The following ARHGAP42 variants were observed in gnomAD, a reference collection of about 807,000 sequenced individuals.
The protein encoded by ARHGAP42 is Rho GTPase activating protein 42, also known as rho GTPase-activating protein 42.
Under a neutral mutation model 125.0 loss-of-function variants are expected in ARHGAP42, and 63 were observed. The observed-to-expected ratio is 0.50, with a 90% CI of 0.41 to 0.62. ARHGAP42 has a LOEUF of 0.62. Among genes scored for constraint, ARHGAP42 ranks in the 20% least tolerant of loss-of-function variants. The pLI, the probability that ARHGAP42 is intolerant of heterozygous loss-of-function variation, is 0.00. For missense variants in ARHGAP42, 766 were observed against 1,024.2 expected (o/e 0.75, Z 3.44); for synonymous variants, 339 against 351.0 (o/e 0.97, Z 0.38).
chr11:100,846,401 G>A (rs1865066166), intron 3 of ARHGAP42, among the ~76,000 whole-genome samples: 1 of 152,214 alleles, frequency 6.6e-6, no homozygotes, highest in South Asian at 2.1e-4. Flanking sequence ...ATGATGTTTA[G>A]TTTGTAGGAA....
At chr11:100,894,247 G>T (rs1314705347) in intron 4 of ARHGAP42, among the ~76,000 whole-genome samples, 1 of 152,170 alleles carries the variant, frequency 6.6e-6, no homozygotes, top group African/African-American at 2.4e-5. Flanking sequence ...CACGGACTTG[G>T]CATAGTTGTA....
At chr11:100,798,722 C>T (rs531724434) in intron 3 of ARHGAP42, among the ~76,000 whole-genome samples, 1 of 152,248 alleles carries the variant, frequency 6.6e-6, no homozygotes, top group East Asian at 1.9e-4. Context: ...GTGATATTCA[C>T]TTTATTGCAG....
chr11:100,914,509 G>GAAC (rs138419731), intron 5 of ARHGAP42, among the ~76,000 whole-genome samples: 13,840 of 150,956 alleles, frequency 0.092, 844 homozygotes, highest in East Asian at 0.25. Flanking sequence ...GTCACCTTGA[G>GAAC]AACAACAACA....
chr11:100,903,372 A>G (rs1458030189), intron 4 of ARHGAP42, among the ~76,000 whole-genome samples: 1 of 152,050 alleles, frequency 6.6e-6, no homozygotes, highest in Non-Finnish European at 1.5e-5. Flanking sequence ...TTATCAGTTC[A>G]TATTTGTTCA....
At chr11:100,861,492 G>A (rs945544115) in intron 4 of ARHGAP42, among the ~76,000 whole-genome samples, 1 of 152,188 alleles carries the variant, frequency 6.6e-6, no homozygotes, top group Non-Finnish European at 1.5e-5. Context: ...GACTACCTGG[G>A]CAAACCAGTT....
rs1713433997 is a variant in ARHGAP42, at chr11:100,731,795, T to C, written c.155-38548T>C. Among the ~76,000 whole-genome samples, 3 of 152,290 alleles carry C rather than the reference T, an allele frequency of 2.0e-5. No individual in the cohort carries two copies. In the South Asian group the frequency reaches 6.2e-4, roughly 32 times the overall value. The stretch of plus-strand genomic sequence containing the variant: ...ATCCCTGCTTCCAGTTAATGACTAT[T>C]GTATTTCCATCAGATCTTTGTTCAA... On this transcript the variant is annotated intron_variant, in intron 1 of 23. Coordinates refer to ENST00000298815, the MANE Select transcript of ARHGAP42 (RefSeq NM_152432.4).
Position 100,979,054 on chromosome 11 carries a change from G to C in ARHGAP42, c.2456+5G>C. 1.9e-6 allele frequency: 3 copies of C among 1,551,470 alleles called. No individual in the cohort carries two copies. Among genetic ancestry groups the C allele is most frequent in the Non-Finnish European group, 1.7e-6 (2 of 1,146,756 alleles). ...TAAACCAGTTTCTTCTGGGCGGTAA[G>C]TTCTCCAAACCCTTAAATGCATCTA... On this transcript the variant is annotated splice_donor_5th_base_variant and intron_variant, in intron 22 of 23. Transcript: ENST00000298815.
chr11:100,753,717 T>A (rs1862510611), intron 1 of ARHGAP42, among the ~76,000 whole-genome samples: 1 of 152,176 alleles, frequency 6.6e-6, no homozygotes, highest in South Asian at 2.1e-4. Context: ...GTTCCTACTT[T>A]TACATGCCCC....
chr11:100,696,013 T>C (rs1020050771), intron 1 of ARHGAP42, among the ~76,000 whole-genome samples: 1 of 152,056 alleles, frequency 6.6e-6, no homozygotes, highest in Non-Finnish European at 1.5e-5. Flanking sequence ...ATCATTTGAG[T>C]TCGAGTTGGA....
intron 3 of ARHGAP42, among the ~76,000 whole-genome samples, chr11:100,804,205 G>A (rs928346223): frequency 9.2e-5 from 14 of 152,006 alleles, no homozygotes; most frequent in African/African-American, 3.1e-4. Flanking sequence ...GCATAGGCTG[G>A]TATTGAACAC....
chr11:100,807,447 C>G (rs1351299518), intron 3 of ARHGAP42, among the ~76,000 whole-genome samples: 2 of 152,286 alleles, frequency 1.3e-5, no homozygotes, highest in South Asian at 2.1e-4. Flanking sequence ...CCACCCGCCT[C>G]GGTCTCCCAA....
chr11:100,967,336 G>T (rs1379631585), intron 17 of ARHGAP42, among the ~76,000 whole-genome samples: 1 of 152,102 alleles, frequency 6.6e-6, no homozygotes, highest in Non-Finnish European at 1.5e-5. Context: ...ATATTTAAAA[G>T]TGTTATTAAA....
At chr11:100,867,283 A>G (rs1405752817) in intron 4 of ARHGAP42, among the ~76,000 whole-genome samples, 1 of 152,214 alleles carries the variant, frequency 6.6e-6, no homozygotes, top group East Asian at 1.9e-4. Flanking sequence ...CTAGCTATGA[A>G]AGTCCTGGAT....
chr11:100,928,459 C>A (rs954126172), intron 6 of ARHGAP42, among the ~76,000 whole-genome samples: 1 of 151,820 alleles, frequency 6.6e-6, no homozygotes. Context: ...TGGTGTCATG[C>A]GCCTGTAGTC....
intron 3 of ARHGAP42, among the ~76,000 whole-genome samples, chr11:100,809,617 A>G (rs1003773434): frequency 1.3e-5 from 2 of 152,242 alleles, no homozygotes; most frequent in African/African-American, 4.8e-5. Context: ...TACTGTTTAA[A>G]TTCAAAATTG....
chr11:100,921,690 T>G, intron 6 of ARHGAP42, 86 bp downstream of exon 6: 2 of 826,098 alleles, frequency 2.4e-6, no homozygotes, highest in Non-Finnish European at 3.6e-6. Flanking sequence ...TATATAATTT[T>G]TCTTGAAAAT....
At chr11:100,740,166 C>A (rs971991024) in intron 1 of ARHGAP42, among the ~76,000 whole-genome samples, 2 of 150,512 alleles carry the variant, frequency 1.3e-5, no homozygotes, top group Non-Finnish European at 2.9e-5. Flanking sequence ...ACAGTGAAGT[C>A]TAAAATGCTA....
chr11:100,791,272 G>A (rs1230049986), intron 2 of ARHGAP42, among the ~76,000 whole-genome samples: 1 of 152,112 alleles, frequency 6.6e-6, no homozygotes, highest in African/African-American at 2.4e-5. Context: ...TTGTGGATGG[G>A]CCAGGCAGGG....
chr11:100,740,347 G>A (rs1862158118), intron 1 of ARHGAP42, among the ~76,000 whole-genome samples: 1 of 152,118 alleles, frequency 6.6e-6, no homozygotes, highest in Admixed American at 6.5e-5. Context: ...AAACACTTGG[G>A]CACTGAATTT....
Sources: gnomAD v4.1 joint callset for allele counts (sites outside exome capture counted in the v4.1 genomes callset) on GRCh38, gnomAD v4.1.1 for gene constraint, MANE v1.5 for transcripts, NCBI Gene and HGNC (gene_info 2026-07-23, HGNC 2026-07-21) for gene names.